The following PNISR variants were observed in gnomAD, a reference collection of about 807,000 sequenced individuals.
PNISR encodes arginine/serine-rich protein PNISR.
A neutral mutation model predicts 93.4 loss-of-function variants in PNISR; 20 were observed. That is an observed-to-expected ratio of 0.21 (90% CI 0.15 to 0.31). The LOEUF is 0.31. Among genes scored for constraint, PNISR ranks in the 10% least tolerant of loss-of-function variants. The pLI is 1.00. For missense variants in PNISR, 893 were observed against 985.4 expected (o/e 0.91, Z 1.25); for synonymous variants, 305 against 306.5 (o/e 0.99, Z 0.05).
chr6:99,425,121 A>T, intron 1 of PNISR, 94 bp downstream of exon 1: 1 of 796,646 alleles, frequency 1.3e-6, no homozygotes, highest in Non-Finnish European at 1.7e-6. Context: ...CAGCGTACGC[A>T]GCCTATTTTA....
rs1166838873 is a variant in PNISR at position 99,419,152 on chromosome 6, C to CAAAA, written c.-111-2728_-111-2725dup. Among the ~76,000 whole-genome samples the CAAAA allele has an allele frequency of 2.5e-4, 5 of 19,824 alleles. 1 individual carries two copies. Among genetic ancestry groups the CAAAA allele is most frequent in the African/African-American group, 3.5e-4 (2 of 5,684 alleles). The allele number at this position is 19,824 out of a possible 152,430, so 13.0% of individuals were successfully genotyped here. ...TGGGTGCCAGAGCGAGACTCCGTCT[C>CAAAA]AAAAAAAAAAAAAAAAAAAAAAAAA... On this transcript the variant is annotated intron_variant, in intron 1 of 11. Coordinates refer to ENST00000369239, the MANE Select transcript of PNISR (RefSeq NM_032870.4).
chr6:99,401,943 T>G (rs1775556743), intron 11 of PNISR, among the ~76,000 whole-genome samples: 2 of 152,220 alleles, frequency 1.3e-5, no homozygotes, highest in South Asian at 4.1e-4. Context: ...CTAGCCACAT[T>G]TCAAGTTCTC....
intron 1 of PNISR, among the ~76,000 whole-genome samples, chr6:99,419,152 CAAAAAA>C (rs1166838873): frequency 1.0e-4 from 2 of 19,804 alleles, no homozygotes; most frequent in African/African-American, 3.5e-4. Context: ...GACTCCGTCT[CAAAAAA>C]AAAAAAAAAA....
At chr6:99,402,835 C>T (rs527677376) in intron 10 of PNISR, 125 bp from the exon 11 acceptor site, 30 of 661,906 alleles carry the variant, frequency 4.5e-5, no homozygotes, top group African/African-American at 5.8e-5. Context: ...TACGCTTATT[C>T]GGGGTGGGGA....
rs765020664 is a variant in PNISR at position 99,403,821 on chromosome 6, A to G, written c.1156+8T>C. ...TTAGGCCCTCTCACAAATATGGAAA[A>G]CACTTACCGAGTCCAGTGAGGGAAG... On this transcript the variant is annotated splice_region_variant and intron_variant, in intron 10 of 11. Transcript: ENST00000369239. 13 of 1,610,330 alleles carry G rather than the reference A, an allele frequency of 8.1e-6. No homozygotes were observed. Among genetic ancestry groups the G allele is most frequent in the South Asian group, 7.7e-5 (7 of 90,870 alleles).
rs1392329902 is a variant in PNISR, at chr6:99,399,508, C to T, written c.*1032G>A. On this transcript the variant is annotated 3_prime_UTR_variant, in exon 12 of 12. Transcript: ENST00000369239. ...ATTTCTATAACCCCAAAAAGTGTTT[C>T]AAAATGCTTCTAAAACAGAAGTGGG... is the stretch of plus-strand genomic sequence containing the variant. 6.6e-6 allele frequency: 1 copy of T among 152,004 alleles called. No individual in the cohort carries two copies. Among genetic ancestry groups the T allele is most frequent in the Non-Finnish European group, 1.5e-5 (1 of 67,940 alleles). The allele number at this position is 152,004 out of a possible 1,614,324, so 9.4% of individuals were successfully genotyped here. A position where few individuals can be genotyped will look rare whatever the true frequency, so the allele number is the denominator to read the frequency against.
intron 10 of PNISR, 67 bp downstream of exon 10, chr6:99,403,762 A>T: frequency 8.8e-7 from 1 of 1,141,236 alleles, no homozygotes; most frequent in East Asian, 2.4e-5. Flanking sequence ...AAAATAGAAC[A>T]CGCAGAGAGA....
intron 1 of PNISR, among the ~76,000 whole-genome samples, chr6:99,424,008 C>T (rs924314843): frequency 9.9e-5 from 15 of 152,130 alleles, no homozygotes; most frequent in Non-Finnish European, 1.9e-4. Flanking sequence ...TCTTTAAAGA[C>T]CCTCTCTCCA....
intron 1 of PNISR, among the ~76,000 whole-genome samples, chr6:99,420,950 T>C (rs1052077718): frequency 2.4e-4 from 37 of 152,246 alleles, no homozygotes; most frequent in African/African-American, 8.9e-4. Flanking sequence ...TGTTAAGTGG[T>C]TAAATATTTA....
chr6:99,421,077 C>A (rs1448748468), intron 1 of PNISR, among the ~76,000 whole-genome samples: 1 of 152,184 alleles, frequency 6.6e-6, no homozygotes, highest in African/African-American at 2.4e-5. Context: ...ATTCACTCTT[C>A]CTTTAGACTT....
intron 9 of PNISR, chr6:99,404,227 G>T: frequency 2.7e-6 from 1 of 368,898 alleles, no homozygotes; most frequent in Non-Finnish European, 5.0e-6. Context: ...TAAGAGATAA[G>T]TGGTAAACTA....
chr6:99,417,400 A>G (rs1034513856), intron 1 of PNISR, among the ~76,000 whole-genome samples: 2 of 152,178 alleles, frequency 1.3e-5, no homozygotes, highest in Admixed American at 6.5e-5. Flanking sequence ...TAGACTTCAG[A>G]GCACAGGCTC....
At position 99,400,727 on chromosome 6, in the gene PNISR, G is replaced by A; in HGVS notation, c.2231C>T (p.Thr744Ile). 6.2e-7 allele frequency: 1 copy of A among 1,612,486 alleles called. No individual in the cohort carries two copies. Among genetic ancestry groups the A allele is most frequent in the South Asian group, 1.1e-5 (1 of 90,790 alleles). Residue 744 changes from threonine to isoleucine, a missense_variant, in exon 12 of 12, where the codon ACT becomes ATT. Physicochemically the swap from Thr to Ile is moderately conservative, Grantham distance 89. This residue lies in a region of PNISR where 866 missense variants were observed against 935.1 expected (regional missense o/e 0.93). Transcript: ENST00000369239. ...HDSRQDSKKS[T>I]TKDSKKHSGS... Reference sequence around the variant, plus strand: ...TGAATGTTTTTTACTATCTTTGGTAGTACTTTTCTTACTATCCTGTCTAGA... The same window carrying A: ...TGAATGTTTTTTACTATCTTTGGTAATACTTTTCTTACTATCCTGTCTAGA...
rs1562243625 is a variant in PNISR at position 99,410,655 on chromosome 6, C to T, written c.501+86G>A. ...TTATACAAGTCTGAAAAGTGAAACA[C>T]GTATCTTAGGTATTCTTGATGAGAC... On this transcript the variant is annotated intron_variant, in intron 5 of 11. Coordinates refer to ENST00000369239, the MANE Select transcript of PNISR (RefSeq NM_032870.4). 2.6e-5 allele frequency: 23 copies of T among 882,164 alleles called. 1 individual carries two copies. The highest frequency in any genetic ancestry group is 2.2e-4 in the Middle Eastern group (1 of 4,506). The allele number at this position is 882,164 out of a possible 1,614,324, so 54.6% of individuals were successfully genotyped here.
chr6:99,424,398 T>G (rs1438394661), intron 1 of PNISR, among the ~76,000 whole-genome samples: 3 of 146,560 alleles, frequency 2.0e-5, no homozygotes, highest in African/African-American at 7.5e-5. Context: ...AAACATAAAG[T>G]CTATTAGTAA....
intron 10 of PNISR, 75 bp from the exon 11 acceptor site, chr6:99,402,785 GAA>G: frequency 9.0e-7 from 1 of 1,109,670 alleles, no homozygotes; most frequent in Non-Finnish European, 1.3e-6. Flanking sequence ...GGTCTGAGAA[GAA>G]AGTTCATTTC....
chr6:99,401,195 C>G lies in PNISR; in HGVS notation c.1763G>C (p.Arg588Thr). Residue 588 changes from arginine (R) to threonine (T), a missense_variant, in exon 12 of 12, where the codon AGG (arginine) becomes ACG (threonine). Arg to Thr is a moderately conservative substitution (Grantham distance 71). Coordinates refer to ENST00000369239, the MANE Select transcript of PNISR (RefSeq NM_032870.4). ...RRIKIESNRA[R>T]VKIRDRRRSN... ...TCTCCTTCTATCTCTAATCTTTACC[C>G]TAGCCCTATTGCTCTCTATTTTAAT... The G allele has an allele frequency of 6.2e-7, 1 of 1,614,046 alleles. No homozygotes were observed.
At chr6:99,423,654 G>A (rs1778953422) in intron 1 of PNISR, among the ~76,000 whole-genome samples, 1 of 152,136 alleles carries the variant, frequency 6.6e-6, no homozygotes, top group Non-Finnish European at 1.5e-5. Context: ...TTTTAATCAT[G>A]AGAAAATCGT....
chr6:99,421,584 A>C lies in PNISR; in HGVS notation c.-112+3631T>G, dbSNP rs1351732480. ...TGGCTCTATAAGCCAAGGAACATCA[A>C]GGATTGACAAGAACTACCAAAAGCT... On this transcript the variant is annotated intron_variant, in intron 1 of 11. Coordinates refer to ENST00000369239, the MANE Select transcript of PNISR (RefSeq NM_032870.4). Among the ~76,000 whole-genome samples the C allele has an allele frequency of 2.0e-5, 3 of 152,186 alleles. No homozygotes were observed. The East Asian group carries it at 5.8e-4, about 29-fold the overall frequency.
Sources: allele counts gnomAD v4.1 joint callset (sites outside exome capture counted in the v4.1 genomes callset), GRCh38; gene constraint gnomAD v4.1.1; regional missense constraint gnomAD v4.1.1; transcripts MANE v1.5; gene names NCBI Gene and HGNC (gene_info 2026-07-23, HGNC 2026-07-21).